Variants in FGF14 observed in about 807,000 individuals in gnomAD.
FGF14 encodes fibroblast growth factor 14, also known as fibroblast growth factor homologous factor 4.
A neutral mutation model predicts 25.5 loss-of-function variants in FGF14; 5 were observed. The ratio of observed to expected loss-of-function variants is 0.20; its 90% CI spans 0.10 to 0.41. The LOEUF (loss-of-function observed/expected upper bound fraction) is 0.41, where lower values mean the gene tolerates loss of function less well. Among genes scored for constraint, FGF14 ranks in the 10% least tolerant of loss-of-function variants. FGF14 has a pLI of 1.00. For synonymous variants in FGF14, 138 were observed against 118.3 expected, an observed-to-expected ratio of 1.17 and a Z score of -1.08; for missense variants, 222 against 320.1, an observed-to-expected ratio of 0.69 and a Z score of 2.34.
chr13:101,785,148 A>G (rs1162075832), intron 3 of FGF14, among the ~76,000 whole-genome samples: 1 of 152,204 alleles, frequency 6.6e-6, no homozygotes, highest in African/African-American at 2.4e-5. Flanking sequence ...AAATGTACAT[A>G]TAATGCATAC....
At chr13:102,161,525 G>T in intron 1 of FGF14, among the ~76,000 whole-genome samples, 1 of 150,870 alleles carries the variant, frequency 6.6e-6, no homozygotes, top group Admixed American at 6.6e-5. Context: ...TCTTATCTTA[G>T]TTGTAAAATA....
intron 1 of FGF14, among the ~76,000 whole-genome samples, chr13:102,155,655 C>T (rs1357469274): frequency 1.3e-5 from 2 of 152,006 alleles, no homozygotes; most frequent in African/African-American, 4.8e-5. Context: ...CAAGAAATAA[C>T]TAAGATCAGA....
intron 1 of FGF14, among the ~76,000 whole-genome samples, chr13:102,289,503 A>G (rs1176658003): frequency 6.6e-6 from 1 of 152,200 alleles, no homozygotes; most frequent in Admixed American, 6.5e-5. Flanking sequence ...AAGAATAAGG[A>G]TGGCTATGTT....
intron 3 of FGF14, among the ~76,000 whole-genome samples, chr13:101,787,167 T>C (rs1400623277): frequency 2.1e-5 from 1 of 47,500 alleles, no homozygotes; most frequent in East Asian, 1.1e-3. Flanking sequence ...ATCATCCATG[T>C]CACAATAATG....
At chr13:101,905,541 G>T (rs1387270907) in intron 1 of FGF14, among the ~76,000 whole-genome samples, 8 of 151,978 alleles carry the variant, frequency 5.3e-5, no homozygotes, top group Non-Finnish European at 1.0e-4. Flanking sequence ...ATCACACGCT[G>T]GGGCCTGTTG....
Position 102,387,084 on chromosome 13 carries a change from AG to A in FGF14, c.208+14386del, listed in dbSNP as rs887270174. On this transcript the variant is annotated intron_variant, in intron 1 of 4. Transcript: ENST00000376131. ...GTCTTATAAACCATGATTTCCAATA[AG>A]GATCCTAGTTTTAAATCAAAGAAAT... Among the ~76,000 whole-genome samples, 25 of 152,220 alleles carry A rather than the reference AG, an allele frequency of 1.6e-4. 1 individual carries two copies. Among genetic ancestry groups the A allele is most frequent in the Non-Finnish European group, 1.5e-5 (1 of 68,036 alleles).
At chr13:101,865,691 A>G (rs2044664509) in intron 3 of FGF14, among the ~76,000 whole-genome samples, 1 of 152,140 alleles carries the variant, frequency 6.6e-6, no homozygotes, top group East Asian at 1.9e-4. Flanking sequence ...TATGAAAGTT[A>G]CTTCCTGAAA....
intron 1 of FGF14, among the ~76,000 whole-genome samples, chr13:102,074,344 A>G (rs1168885231): frequency 6.6e-6 from 1 of 152,144 alleles, no homozygotes; most frequent in Non-Finnish European, 1.5e-5. Flanking sequence ...AGGTTTACAC[A>G]TTTGTTCCTG....
Position 101,718,852 on chromosome 13 carries a change from A to G in FGF14, c.*3979T>C, listed in dbSNP as rs1444889900. ...TCAACTGTCAACACTTTGAAACCCT[A>G]CTCCATATTCAAGAGAGTCAACAGG... On this transcript the variant is annotated 3_prime_UTR_variant, in exon 5 of 5. Coordinates refer to ENST00000376143, the MANE Select transcript of FGF14 (RefSeq NM_004115.4). 1 of 151,794 alleles carries G rather than the reference A, an allele frequency of 6.6e-6. No individual in the cohort carries two copies. Among genetic ancestry groups the G allele is most frequent in the African/African-American group, 2.4e-5 (1 of 41,336 alleles). 9.4% of individuals were successfully genotyped at this position (151,794 alleles called of 1,614,324 possible).
intron 1 of FGF14, among the ~76,000 whole-genome samples, chr13:102,309,401 G>A (rs939408444): frequency 2.0e-5 from 3 of 152,142 alleles, no homozygotes; most frequent in Non-Finnish European, 2.9e-5. Flanking sequence ...CTGAAATGAC[G>A]GGGCTATCAG....
chr13:101,971,516 A>G (rs991864805), intron 1 of FGF14, among the ~76,000 whole-genome samples: 16 of 152,058 alleles, frequency 1.1e-4, no homozygotes, highest in African/African-American at 3.6e-4. Flanking sequence ...GACAATAGGC[A>G]AGCACCACCA....
chr13:101,895,191 T>C (rs1307942710), intron 1 of FGF14, among the ~76,000 whole-genome samples: 1 of 152,166 alleles, frequency 6.6e-6, no homozygotes. Context: ...TCAGAGATCT[T>C]ACCTAAGTCA....
chr13:102,340,440 TACACACACAC>T (rs139037869), intron 1 of FGF14, among the ~76,000 whole-genome samples: 378 of 148,696 alleles, frequency 2.5e-3, no homozygotes, highest in Non-Finnish European at 3.1e-3. Context: ...TACAAACACA[TACACACACAC>T]ACACACACAC....
intron 1 of FGF14, among the ~76,000 whole-genome samples, chr13:102,216,324 G>A (rs1460622225): frequency 1.3e-5 from 2 of 152,016 alleles, no homozygotes; most frequent in Admixed American, 1.3e-4. Flanking sequence ...TAACCAAGTC[G>A]CTCAACTCTC....
chr13:102,266,284 A>C (rs1274254710), intron 1 of FGF14, among the ~76,000 whole-genome samples: 1 of 152,112 alleles, frequency 6.6e-6, no homozygotes, highest in Non-Finnish European at 1.5e-5. Context: ...AACTCCTGAC[A>C]CCAAAAAACT....
chr13:102,076,774 TAA>T (rs1054480195), intron 1 of FGF14, among the ~76,000 whole-genome samples: 1 of 152,112 alleles, frequency 6.6e-6, no homozygotes, highest in Non-Finnish European at 1.5e-5. Context: ...AAAAAAATCT[TAA>T]GTTTTTTTTA....
chr13:101,982,220 T>C (rs1171466953), intron 1 of FGF14, among the ~76,000 whole-genome samples: 1 of 152,204 alleles, frequency 6.6e-6, no homozygotes, highest in Non-Finnish European at 1.5e-5. Flanking sequence ...CCATCACAGT[T>C]ACAGAACATA....
intron 1 of FGF14, chr13:102,263,011 A>G (rs1243455474): frequency 1.7e-6 from 1 of 596,162 alleles, no homozygotes; most frequent in Non-Finnish European, 3.0e-6. Flanking sequence ...CAGACAGCAT[A>G]AATATGTGTG....
intron 1 of FGF14, among the ~76,000 whole-genome samples, chr13:101,880,126 G>A (rs917949528): frequency 1.3e-5 from 2 of 152,140 alleles, no homozygotes; most frequent in African/African-American, 4.8e-5. Flanking sequence ...AGTTACTTCA[G>A]AGTGATTACC....
Sources: allele counts gnomAD v4.1 joint callset (sites outside exome capture counted in the v4.1 genomes callset), GRCh38; gene constraint gnomAD v4.1.1; transcripts MANE v1.5; gene names NCBI Gene and HGNC (gene_info 2026-07-23, HGNC 2026-07-21).